The following DUOX2 variants were observed in gnomAD, a reference collection of about 807,000 sequenced individuals.
The protein encoded by DUOX2 is NADH/NADPH thyroid oxidase p138-tox.
In DUOX2, 185 loss-of-function variants were observed where a neutral mutation model predicts 183.3. The ratio of observed to expected loss-of-function variants is 1.01; its 90% CI spans 0.90 to 1.14. DUOX2 has a LOEUF of 1.14. DUOX2 is among the 50% of genes most tolerant of loss of function. DUOX2 has a pLI of 0.00. For synonymous variants in DUOX2, 788 were observed against 812.4 expected (o/e 0.97, Z 0.51); for missense variants, 1,999 against 2,022.9 (o/e 0.99, Z 0.23).
rs1893850564 is a variant in DUOX2 at position 45,094,589 on chromosome 15, T to G, written c.4498A>C (p.Asn1500His). Residue 1500 changes from asparagine to histidine, a missense_variant, in exon 33 of 34, where the codon AAC becomes CAC. Physicochemically the swap from Asn to His is moderately conservative, Grantham distance 68. This residue lies in a region of DUOX2 where 1,628 missense variants were observed against 1,608.6 expected (regional missense o/e 1.01). Transcript: ENST00000389039. ...FGRPPFEPFF[N>H]SLQEVHPQVR... The stretch of plus-strand genomic sequence containing the variant: ...TGTGGGTGGACCTCCTGCAGGGAGT[T>G]GAAGAAGGGCTCGAAGGGGGGACGG... The G allele has an allele frequency of 6.2e-7, 1 of 1,613,544 alleles. No homozygotes were observed. Among genetic ancestry groups the G allele is most frequent in the African/African-American group, 1.3e-5 (1 of 74,780 alleles).
At chr15:45,096,930 C>G (rs1419640377) in intron 29 of DUOX2, among the ~76,000 whole-genome samples, 1 of 152,188 alleles carries the variant, frequency 6.6e-6, no homozygotes, top group African/African-American at 2.4e-5. Flanking sequence ...CCCTGCACTT[C>G]CCCTGCACCC....
chr15:45,104,146 T>C lies in DUOX2; in HGVS notation c.2554A>G (p.Met852Val). 2.5e-6 allele frequency: 4 copies of C among 1,614,152 alleles called. No homozygotes were observed. The highest frequency in any genetic ancestry group is 3.4e-6 in the Non-Finnish European group (4 of 1,180,000). The change falls in exon 19 of 34, where the codon ATG becomes GTG. Residue 852 changes from methionine to valine, a missense_variant. By Grantham distance (21) the Met-to-Val change is conservative. Around this residue, in one of 3 missense-constraint regions of DUOX2, gnomAD observed 1,628 missense variants for 1,608.6 expected, o/e 1.01. Coordinates refer to ENST00000389039, the MANE Select transcript of DUOX2 (RefSeq NM_001363711.2). The part of the protein sequence containing the change: ...REFLDILVVF[M>V]KGSPEDKSRL... ...CCACCTCCCAGCCCCCTACCTTTCA[T>C]GAAGACCACCAGGATGTCCAGGAAC...
intron 25 of DUOX2, 36 bp from the exon 26 acceptor site, chr15:45,099,518 G>A (rs770272807): frequency 1.0e-5 from 16 of 1,603,988 alleles, no homozygotes; most frequent in Admixed American, 5.0e-5. Flanking sequence ...ATGCCAACCA[G>A]GACAGACTCT....
intron 22 of DUOX2, 22 bp from the exon 23 acceptor site, chr15:45,100,860 G>C (rs774634713): frequency 6.5e-7 from 1 of 1,542,634 alleles, no homozygotes; most frequent in South Asian, 1.1e-5. Context: ...AAATGGGGCT[G>C]TTCTCCCCTT....
rs1894405415 is a variant in DUOX2 at position 45,111,509 on chromosome 15, C to T, written c.590G>A (p.Ser197Asn). 6.4e-7 allele frequency: 1 copy of T among 1,551,752 alleles called. No individual in the cohort carries two copies. The highest frequency in any genetic ancestry group is 1.4e-5 in the African/African-American group (1 of 72,508). The part of the protein sequence containing the change: ...SSHSWSDALR[S>N]FSGGQLASGP... ...CGACGCCAGCTGTCCCCCCGAGAAGCTCCGCAGCGCGTCGCTCCAGGAGTG... is the reference window on the plus strand; with the variant it reads ...CGACGCCAGCTGTCCCCCCGAGAAGTTCCGCAGCGCGTCGCTCCAGGAGTG... Residue 197 changes from serine (S) to asparagine (N), a missense_variant, in exon 6 of 34, where the codon AGC becomes AAC. Around this residue, in one of 3 missense-constraint regions of DUOX2, gnomAD observed 356 missense variants for 356.4 expected, o/e 1.00. Coordinates refer to ENST00000389039, the MANE Select transcript of DUOX2 (RefSeq NM_001363711.2).
intron 8 of DUOX2, 50 bp downstream of exon 8, chr15:45,110,600 C>T: frequency 6.2e-7 from 1 of 1,613,812 alleles, no homozygotes; most frequent in South Asian, 1.1e-5. Context: ...CACCTGTCTC[C>T]TTCCCCTCAG....
intron 2 of DUOX2, 43 bp from the exon 3 acceptor site, chr15:45,113,119 C>A (rs780444081): frequency 6.3e-7 from 1 of 1,590,258 alleles, no homozygotes. Flanking sequence ...ACGCTCCCAG[C>A]TACCCCTCCC....
In DUOX2 at chr15:45,099,453, C is replaced by A; in HGVS notation, c.3445G>T (p.Val1149Phe). Reference protein sequence around the residue: ...ILHSAGHAVNVYIFSVSPLSL... With the variant: ...ILHSAGHAVNFYIFSVSPLSL... ...AGTGGGCTGACTGAGAAGATGTAGA[C>A]ATTGACTGCGTGGCCAGCACTGTGC... The change falls in exon 26 of 34, where the codon GTC becomes TTC. Residue 1149 changes from valine (V) to phenylalanine (F), a missense_variant. Physicochemically the swap from Val to Phe is conservative, Grantham distance 50. Transcript: ENST00000389039. 1 of 1,614,060 alleles carries A rather than the reference C, an allele frequency of 6.2e-7. No individual in the cohort carries two copies. The highest frequency in any genetic ancestry group is 1.1e-5 in the South Asian group (1 of 91,082).
chr15:45,105,733 C>T lies in DUOX2; in HGVS notation c.2244G>A (p.Glu748=). 1.2e-6 allele frequency: 2 copies of T among 1,614,252 alleles called. No individual in the cohort carries two copies. Among genetic ancestry groups the T allele is most frequent in the Non-Finnish European group, 1.7e-6 (2 of 1,180,046 alleles). The change falls in exon 18 of 34, where the codon GAG becomes GAA. Residue 748 remains glutamate (E), a synonymous_variant. Coordinates refer to ENST00000389039, the MANE Select transcript of DUOX2 (RefSeq NM_001363711.2). The stretch of plus-strand genomic sequence containing the variant: ...TCCTAAATAGCTCCTTCTCGCTCAT[C>T]TCAGCCACATGGAGGCCCAGAGCCC... ...VRWALGLHVA[E]MSEKELFRKA...
chr15:45,097,384 A>G lies in DUOX2; in HGVS notation c.3701T>C (p.Ile1234Thr), dbSNP rs759488791. ...CTGGATCAGAGCATAGCTGCCATGGATGATGAGCTGGAGACACGGCCAGTT... is the reference window on the plus strand; with the variant it reads ...CTGGATCAGAGCATAGCTGCCATGGGTGATGAGCTGGAGACACGGCCAGTT... Reference protein sequence around the residue: ...LYILLYALLIIHGSYALIQLP... With the variant: ...LYILLYALLITHGSYALIQLP... The change falls in exon 29 of 34, where the codon ATC becomes ACC. Residue 1234 changes from isoleucine to threonine, a missense_variant. By Grantham distance (89) the Ile-to-Thr change is moderately conservative (BLOSUM62 -1). Around this residue, in one of 3 missense-constraint regions of DUOX2, gnomAD observed 1,628 missense variants for 1,608.6 expected, o/e 1.01. Transcript: ENST00000389039. 6.2e-7 allele frequency: 1 copy of G among 1,614,124 alleles called. No homozygotes were observed. Among genetic ancestry groups the G allele is most frequent in the Non-Finnish European group, 8.5e-7 (1 of 1,180,040 alleles).
intron 9 of DUOX2, 22 bp downstream of exon 9, chr15:45,110,406 T>G: frequency 1.2e-6 from 2 of 1,605,846 alleles, no homozygotes; most frequent in Non-Finnish European, 8.5e-7. Context: ...GTGGTGCCCC[T>G]CTCTGCCAAC....
intron 25 of DUOX2, 44 bp from the exon 26 acceptor site, chr15:45,099,526 T>C: frequency 6.2e-6 from 10 of 1,600,362 alleles, no homozygotes; most frequent in Non-Finnish European, 8.6e-6. Context: ...CAGGACAGAC[T>C]CTACCTCCGA....
chr15:45,110,530 G>C lies in DUOX2; in HGVS notation c.944-6C>G. On this transcript the variant is annotated splice_polypyrimidine_tract_variant and splice_region_variant and intron_variant, in intron 8 of 33. Transcript: ENST00000389039. ...GTCTAGGAAAGGACGGTATCCTGCA[G>C]GAAGGAGACGGTGATGATGGGGAGA... 3.7e-6 allele frequency: 6 copies of C among 1,614,122 alleles called. No homozygotes were observed. Among genetic ancestry groups the C allele is most frequent in the Non-Finnish European group, 5.1e-6 (6 of 1,180,008 alleles).
chr15:45,095,535 C>G lies in DUOX2; in HGVS notation c.4141G>C (p.Val1381Leu), dbSNP rs746015710. The G allele has an allele frequency of 4.3e-6, 7 of 1,614,126 alleles. No homozygotes were observed. Among genetic ancestry groups the G allele is most frequent in the Non-Finnish European group, 5.9e-6 (7 of 1,180,050 alleles). ...ACCCCAATGCCCCCTCCCACCAACA[C>G]TGACACCTCAAATTTATGCCACTCC... Reference protein sequence around the residue: ...HQEWHKFEVSVLVGGGIGVTP... With the variant: ...HQEWHKFEVSLLVGGGIGVTP... The change falls in exon 31 of 34, where the codon GTG becomes CTG. Residue 1381 changes from valine to leucine, a missense_variant. Around this residue, in one of 3 missense-constraint regions of DUOX2, gnomAD observed 1,628 missense variants for 1,608.6 expected, o/e 1.01. Transcript: ENST00000389039.
Position 45,098,067 on chromosome 15 carries a change from C to A in DUOX2, c.3516-9G>T. 1 of 1,614,002 alleles carries A rather than the reference C, an allele frequency of 6.2e-7. No individual in the cohort carries two copies. The highest frequency in any genetic ancestry group is 8.5e-7 in the Non-Finnish European group (1 of 1,179,912). Reference sequence around the variant, plus strand: ...TCTGGGGAAGCTTGGACCTGGGGGGCAAAGGCACCTTGAGCCTCTGACTGG... The same window carrying A: ...TCTGGGGAAGCTTGGACCTGGGGGGAAAAGGCACCTTGAGCCTCTGACTGG... On this transcript the variant is annotated splice_polypyrimidine_tract_variant and intron_variant, in intron 26 of 33. Transcript: ENST00000389039.
At chr15:45,097,173 T>A in intron 29 of DUOX2, 65 bp downstream of exon 29, 2 of 1,607,098 alleles carry the variant, frequency 1.2e-6, no homozygotes, top group Non-Finnish European at 8.5e-7. Flanking sequence ...CCTGGTGAAC[T>A]GTCTCCCCAT....
At chr15:45,095,408 C>A in intron 31 of DUOX2, 29 bp downstream of exon 31, 1 of 1,614,048 alleles carries the variant, frequency 6.2e-7, no homozygotes, top group Non-Finnish European at 8.5e-7. Flanking sequence ...ACCTATGCCC[C>A]ATTTGATGAA....
rs2554451 is a variant in DUOX2, at chr15:45,096,184, C to T, written c.3848-124G>A. ...GGAGTAGTCACATGGTCTGAGCAAG[C>T]GGGGCTCCTGGGGCTGGGAGTAGGA... On this transcript the variant is annotated intron_variant, in intron 29 of 33. Transcript: ENST00000389039. 0.87 allele frequency: 714,584 copies of T among 821,208 alleles called. 325,531 individuals carry two copies. The highest frequency in any genetic ancestry group is 0.94 in the East Asian group (35,587 of 37,784). The allele number at this position is 821,208 out of a possible 1,614,324, so 50.9% of individuals were successfully genotyped here.
chr15:45,110,018 G>C (rs1419251826), intron 9 of DUOX2, 38 bp from the exon 10 acceptor site: 2 of 1,599,370 alleles, frequency 1.3e-6, no homozygotes, highest in Non-Finnish European at 1.7e-6. Context: ...AGGGAATTTG[G>C]AGAAGAATCA....
Sources: gnomAD v4.1 joint callset for allele counts (sites outside exome capture counted in the v4.1 genomes callset) on GRCh38, gnomAD v4.1.1 for gene constraint, gnomAD v4.1.1 regional missense constraint, MANE v1.5 for transcripts, NCBI Gene and HGNC (gene_info 2026-07-23, HGNC 2026-07-21) for gene names.